FAM47E: variants seen among roughly 807,000 people sequenced by gnomAD.
The protein encoded by FAM47E is family with sequence similarity 47 member E.
A neutral mutation model predicts 41.6 loss-of-function variants in FAM47E; 32 were observed. The ratio of observed to expected loss-of-function variants is 0.77; its 90% CI spans 0.58 to 1.03. FAM47E has a LOEUF of 1.03. Among genes scored for constraint, FAM47E ranks in the 50% least tolerant of loss-of-function variants. The pLI is 0.00. For missense variants in FAM47E, 424 were observed against 485.4 expected (o/e 0.87, Z 1.19); for synonymous variants, 184 against 188.7 (o/e 0.98, Z 0.20).
chr4:76,231,599 C>T (rs1733493667), intron 2 of FAM47E, among the ~76,000 whole-genome samples: 1 of 152,188 alleles, frequency 6.6e-6, no homozygotes. Context: ...TTATACTTGG[C>T]CTGATTATTT....
intron 1 of FAM47E, 122 bp from the exon 2 acceptor site, chr4:76,256,056 C>G: frequency 8.8e-7 from 1 of 1,129,984 alleles, no homozygotes; most frequent in Non-Finnish European, 1.2e-6. Context: ...ACTTCCCCTA[C>G]CCCCAACCCT....
chr4:76,279,200 G>A (rs1735250672), intron 6 of FAM47E: 1 of 152,052 alleles, frequency 6.6e-6, no homozygotes, highest in South Asian at 2.1e-4. Context: ...TCTTAGTATG[G>A]TTTTTGGAAA....
chr4:76,260,561 A>G (rs1196475078), intron 2 of FAM47E, among the ~76,000 whole-genome samples: 2 of 115,862 alleles, frequency 1.7e-5, no homozygotes, highest in Non-Finnish European at 3.6e-5. Context: ...ACAAAAATTA[A>G]CTCAAGGTGG....
At chr4:76,261,540 A>T (rs1734418588) in intron 2 of FAM47E, among the ~76,000 whole-genome samples, 1 of 152,196 alleles carries the variant, frequency 6.6e-6, no homozygotes, top group Non-Finnish European at 1.5e-5. Flanking sequence ...ATGGAACTGG[A>T]GGCCATTATC....
At chr4:76,232,937 C>T (rs910942334) in intron 2 of FAM47E, among the ~76,000 whole-genome samples, 17 of 152,160 alleles carry the variant, frequency 1.1e-4, no homozygotes, top group African/African-American at 4.1e-4. Context: ...ATTTAGTTAA[C>T]ATGGTCACAG....
chr4:76,278,078 A>G lies in FAM47E; in HGVS notation c.880A>G (p.Lys294Glu). 1.3e-6 allele frequency: 2 copies of G among 1,506,050 alleles called. No individual in the cohort carries two copies. The highest frequency in any genetic ancestry group is 1.8e-6 in the Non-Finnish European group (2 of 1,132,950). 93.3% of individuals were successfully genotyped at this position (1,506,050 alleles called of 1,614,324 possible). Residue 294 changes from lysine to glutamate, a missense_variant, in exon 6 of 8, where the codon AAG becomes GAG. Lys to Glu is a moderately conservative substitution (Grantham distance 56). Coordinates refer to ENST00000424749, the MANE Select transcript of FAM47E (RefSeq NM_001136570.3). ...ATGTTACTTTCCACAGAATCCTTAT[A>G]AGCCAAAGTGGGTGAAGATGAGGTA... is the stretch of plus-strand genomic sequence containing the variant. ...RKLQKPQNPY[K>E]PKWVKMRYGA...
intron 5 of FAM47E, among the ~76,000 whole-genome samples, chr4:76,273,751 G>C (rs1734987518): frequency 6.6e-6 from 1 of 151,782 alleles, no homozygotes; most frequent in South Asian, 2.1e-4. Context: ...CTAATTAACT[G>C]TAATTAGGCC....
intron 2 of FAM47E, among the ~76,000 whole-genome samples, chr4:76,237,586 G>C (rs1309474119): frequency 2.6e-5 from 4 of 152,066 alleles, no homozygotes; most frequent in African/African-American, 9.7e-5. Flanking sequence ...TTCTCACGTT[G>C]CTATAAAGAA....
At position 76,222,923 on chromosome 4, in the gene FAM47E, G is replaced by C. The variant is rs184352856; in HGVS notation, c.81+5235G>C. 2.9e-3 allele frequency among the ~76,000 whole-genome samples: 436 copies of C among 152,258 alleles called. 9 individuals carry two copies. Among genetic ancestry groups the C allele is most frequent in the Admixed American group, 0.023 (347 of 15,310 alleles). On this transcript the variant is annotated intron_variant, in intron 2 of 7. Coordinates refer to the FAM47E transcript ENST00000510197. ...GCTGAAGCTCAGAAGAAAGGCAGGG[G>C]GGGAAGAGGCCCAGGTGAAGCCTCG...
intron 7 of FAM47E, chr4:76,282,521 C>T (rs1735399456): frequency 6.6e-6 from 1 of 152,218 alleles, no homozygotes; most frequent in Non-Finnish European, 1.5e-5. Context: ...GGGGGAAGCA[C>T]ATCATGCGCT....
intron 2 of FAM47E, among the ~76,000 whole-genome samples, chr4:76,240,647 T>C (rs1269447398): frequency 6.6e-6 from 1 of 152,166 alleles, no homozygotes; most frequent in African/African-American, 2.4e-5. Flanking sequence ...TTGATTCTTG[T>C]GCTTGCTCAA....
At chr4:76,216,430 G>A (rs566540659) in intron 1 of FAM47E, among the ~76,000 whole-genome samples, 1 of 152,208 alleles carries the variant, frequency 6.6e-6, no homozygotes, top group African/African-American at 2.4e-5. Flanking sequence ...TTCTGTTTGC[G>A]GGCTCCATTC....
chr4:76,276,069 C>CACA (rs869240236), intron 5 of FAM47E, among the ~76,000 whole-genome samples: 1 of 149,798 alleles, frequency 6.7e-6, no homozygotes, highest in East Asian at 2.0e-4. Context: ...CACACACACA[C>CACA]CCCTCCCCTA....
intron 2 of FAM47E, among the ~76,000 whole-genome samples, chr4:76,233,091 AC>A (rs200058580): frequency 0.053 from 8,059 of 152,288 alleles, 251 homozygotes; most frequent in Middle Eastern, 0.088. Context: ...TTACTAAAAA[AC>A]CACATTTTAC....
At chr4:76,262,141 G>A (rs1734444502) in intron 2 of FAM47E, among the ~76,000 whole-genome samples, 1 of 152,128 alleles carries the variant, frequency 6.6e-6, no homozygotes, top group Admixed American at 6.6e-5. Flanking sequence ...GCACAGAAGA[G>A]GGGAAAATGT....
At chr4:76,219,747 CTTAGATA>C (rs1210852692) in intron 2 of FAM47E, among the ~76,000 whole-genome samples, 3 of 151,882 alleles carry the variant, frequency 2.0e-5, no homozygotes, top group Non-Finnish European at 4.4e-5. Flanking sequence ...GAATGGGGGG[CTTAGATA>C]TTAGACTATG....
Position 76,256,359 on chromosome 4 carries a change from G to A in FAM47E, c.256G>A (p.Ala86Thr). The change falls in exon 2 of 8, where the codon GCC becomes ACC. Residue 86 changes from alanine (A) to threonine (T), a missense_variant. By Grantham distance (58) the Ala-to-Thr change is moderately conservative. Transcript: ENST00000424749. ...GATTTATCACAGAGCTCCCCAACTGGCCCCAAAGAAGAGGCAGATCAAGCT... is the reference window on the plus strand; with the variant it reads ...GATTTATCACAGAGCTCCCCAACTGACCCCAAAGAAGAGGCAGATCAAGCT... ...PQIYHRAPQL[A>T]PKKRQIKLLK... is the part of the protein sequence containing the mutation. 1 of 1,551,724 alleles carries A rather than the reference G, an allele frequency of 6.4e-7. No individual in the cohort carries two copies. The highest frequency in any genetic ancestry group is 1.2e-5 in the South Asian group (1 of 84,058).
At chr4:76,251,704 A>G (rs747464599), upstream of FAM47E, 41 of 1,441,088 alleles carry the variant, frequency 2.8e-5, no homozygotes, top group Non-Finnish European at 3.2e-5. Context: ...CAGGGCACAC[A>G]CACCGCCCAA....
intron 2 of FAM47E, among the ~76,000 whole-genome samples, chr4:76,222,136 A>G (rs1322197529): frequency 6.6e-6 from 1 of 152,184 alleles, no homozygotes; most frequent in Non-Finnish European, 1.5e-5. Flanking sequence ...AAATCTCAAT[A>G]TTCAGTGGTA....
Sources: gnomAD v4.1 joint callset for allele counts (sites outside exome capture counted in the v4.1 genomes callset) on GRCh38, gnomAD v4.1.1 for gene constraint, MANE v1.5 for transcripts, NCBI Gene and HGNC (gene_info 2026-07-23, HGNC 2026-07-21) for gene names.